ZNF93: variants seen among roughly 807,000 people sequenced by gnomAD.
ZNF93 encodes the protein zinc finger protein 505.
Under a neutral mutation model 45.0 loss-of-function variants are expected in ZNF93, and 29 were observed. That is an observed-to-expected ratio of 0.64 (90% confidence interval 0.48 to 0.88). ZNF93 has a LOEUF of 0.88. Among genes scored for constraint, ZNF93 ranks in the 40% least tolerant of loss-of-function variants. ZNF93 has a pLI of 0.00. For synonymous variants in ZNF93, 223 were observed against 244.6 expected (o/e 0.91, Z 0.82); for missense variants, 578 against 724.0 (o/e 0.80, Z 2.31).
In ZNF93 at chr19:19,934,604, C is replaced by G; in HGVS notation, c.1649C>G (p.Thr550Arg). The G allele has an allele frequency of 6.2e-7, 1 of 1,613,908 alleles. No homozygotes were observed. The highest frequency in any genetic ancestry group is 1.1e-5 in the South Asian group (1 of 91,064). The change falls in exon 4 of 4, where the codon ACA (threonine) becomes AGA (arginine). Residue 550 changes from threonine (T) to arginine (R), a missense_variant. This residue lies in a region of ZNF93 where 119 missense variants were observed against 123.1 expected (regional missense o/e 0.97). Coordinates refer to ENST00000343769, the MANE Select transcript of ZNF93 (RefSeq NM_031218.4). ...TGTGGCAAAGCTTTTCACCTATCCA[C>G]ACACCTTACTACACATAAGATACTT... is the stretch of plus-strand genomic sequence containing the variant. ...EECGKAFHLS[T>R]HLTTHKILHT... is the part of the protein sequence containing the mutation.
At chr19:19,901,124 G>A (rs1037262939) in intron 1 of ZNF93, 33 bp downstream of exon 1, 1 of 1,613,146 alleles carries the variant, frequency 6.2e-7, no homozygotes, top group African/African-American at 1.3e-5. Flanking sequence ...CCAAGCGACG[G>A]GGAGGGGCTG....
At chr19:19,917,295 TA>T (rs2063327128) in intron 3 of ZNF93, among the ~76,000 whole-genome samples, 1 of 152,038 alleles carries the variant, frequency 6.6e-6, no homozygotes, top group African/African-American at 2.4e-5. Flanking sequence ...ATTGAATCTG[TA>T]GATTACTTTG....
Position 19,916,636 on chromosome 19 carries a change from G to A in ZNF93, c.207G>A (p.Glu69=), listed in dbSNP as rs543637518. 8.1e-6 allele frequency: 13 copies of A among 1,611,308 alleles called. No homozygotes were observed. In the African/African-American group the frequency reaches 1.3e-4, roughly 17 times the overall value. ...GKKPLTMKRH[E]MVANPSVICS... ...AACCTTTGACTATGAAGAGACATGAGATGGTAGCCAACCCCTCAGGTAGGT... is the reference window on the plus strand; with the variant it reads ...AACCTTTGACTATGAAGAGACATGAAATGGTAGCCAACCCCTCAGGTAGGT... Residue 69 remains glutamate (E), a synonymous_variant, in exon 3 of 4, where the codon GAG becomes GAA. Transcript: ENST00000343769.
intron 3 of ZNF93, among the ~76,000 whole-genome samples, chr19:19,930,704 T>C (rs890456031): frequency 6.6e-6 from 1 of 152,190 alleles, no homozygotes; most frequent in Non-Finnish European, 1.5e-5. Flanking sequence ...GGCCTGGCTT[T>C]TCCTAGGTTG....
intron 1 of ZNF93, chr19:19,908,628 A>AG (rs2063299178): frequency 6.6e-6 from 1 of 152,066 alleles, no homozygotes; most frequent in Non-Finnish European, 1.5e-5. Context: ...AGATCACCTG[A>AG]GGTCAGGAGT....
At chr19:19,914,681 T>A (rs1346160971) in intron 1 of ZNF93, 4 of 239,570 alleles carry the variant, frequency 1.7e-5, no homozygotes, top group Middle Eastern at 1.6e-3. Flanking sequence ...TTTTTTCTTT[T>A]TTTTTCTATA....
At chr19:19,912,038 C>T (rs755389798) in intron 1 of ZNF93, among the ~76,000 whole-genome samples, 8 of 152,078 alleles carry the variant, frequency 5.3e-5, no homozygotes, top group East Asian at 1.9e-4. Flanking sequence ...CATGACCCAC[C>T]GCGCTTGGCC....
At position 19,905,203 on chromosome 19, in the gene ZNF93, A is replaced by AT. The variant is rs369798195; in HGVS notation, c.3+4123dup. Among the ~76,000 whole-genome samples, 121 of 147,450 alleles carry AT rather than the reference A, an allele frequency of 8.2e-4. 2 individuals are homozygous for AT. The South Asian group carries it at 0.011, about 14-fold the overall frequency. ...ACATTGTGCTCTCTCTCACTCAGGGATTTTTTTTTTTCTTTTAGCTTTTAT... is the reference window on the plus strand; with the variant it reads ...ACATTGTGCTCTCTCTCACTCAGGGATTTTTTTTTTTTCTTTTAGCTTTTAT... On this transcript the variant is annotated intron_variant, in intron 1 of 3. Coordinates refer to ENST00000343769, the MANE Select transcript of ZNF93 (RefSeq NM_031218.4).
At chr19:19,926,426 A>G (rs985317590) in intron 3 of ZNF93, among the ~76,000 whole-genome samples, 4 of 138,406 alleles carry the variant, frequency 2.9e-5, no homozygotes, top group African/African-American at 1.1e-4. Flanking sequence ...ACTAGATTTT[A>G]TGAGGAAACA....
rs10401345 is a variant in ZNF93 at position 19,934,077 on chromosome 19, T to C, written c.1122T>C (p.Cys374=). Reference sequence around the variant, plus strand: ...AGAAACATTACAAATGTGAAGAATGTGGCAAAGCCTTCATTTGGTCCTCAG... The same window carrying C: ...AGAAACATTACAAATGTGAAGAATGCGGCAAAGCCTTCATTTGGTCCTCAG... ...MGKKHYKCEE[C]GKAFIWSSVL... Residue 374 remains cysteine, a synonymous_variant, in exon 4 of 4, where the codon TGT becomes TGC. Transcript: ENST00000343769. The C allele has an allele frequency of 0.052, 83,439 of 1,612,710 alleles. 4,347 individuals carry two copies. The highest frequency in any genetic ancestry group is 0.23 in the African/African-American group (17,167 of 74,846).
rs1197948778 is a variant in ZNF93, at chr19:19,923,527, G to GAGGC, written c.226+6881_226+6884dup. On this transcript the variant is annotated intron_variant, in intron 3 of 3. Coordinates refer to ENST00000343769, the MANE Select transcript of ZNF93 (RefSeq NM_031218.4). The stretch of plus-strand genomic sequence containing the variant: ...CCTGCCCCCAGAGGTGGAGTCTACA[G>GAGGC]AGGCAGGCAGGCCTCCTTGAGCTGT... Among the ~76,000 whole-genome samples, 4 of 152,346 alleles carry GAGGC rather than the reference G, an allele frequency of 2.6e-5. No individual in the cohort carries two copies. In the South Asian group the frequency reaches 8.3e-4, roughly 32 times the overall value.
chr19:19,929,375 GT>G (rs1248202398), intron 3 of ZNF93, among the ~76,000 whole-genome samples: 2 of 152,064 alleles, frequency 1.3e-5, no homozygotes, highest in Non-Finnish European at 2.9e-5. Context: ...TGTTGTCTAA[GT>G]TTTTTGGTTG....
intron 3 of ZNF93, chr19:19,932,141 C>G (rs1056582411): frequency 2.4e-5 from 5 of 211,132 alleles, no homozygotes; most frequent in African/African-American, 9.5e-5. Flanking sequence ...GGCATGGTGG[C>G]CCATGCCTGT....
chr19:19,907,968 CTACA>C (rs2063297581), intron 1 of ZNF93, among the ~76,000 whole-genome samples: 1 of 151,974 alleles, frequency 6.6e-6, no homozygotes, highest in African/African-American at 2.4e-5. Context: ...TTTTTAAATG[CTACA>C]TACATTACTA....
intron 1 of ZNF93, among the ~76,000 whole-genome samples, chr19:19,912,556 G>C (rs952016345): frequency 5.3e-5 from 8 of 152,104 alleles, no homozygotes; most frequent in Non-Finnish European, 8.8e-5. Context: ...ATTGTATTTA[G>C]CAACTTGTTT....
chr19:19,928,503 G>C (rs2063362745), intron 3 of ZNF93, among the ~76,000 whole-genome samples: 1 of 150,936 alleles, frequency 6.6e-6, no homozygotes, highest in African/African-American at 2.5e-5. Flanking sequence ...AAACAACCCA[G>C]TGCATAATTT....
intron 3 of ZNF93, among the ~76,000 whole-genome samples, chr19:19,928,843 T>C (rs1358302433): frequency 1.3e-5 from 2 of 152,238 alleles, no homozygotes; most frequent in Non-Finnish European, 2.9e-5. Context: ...AAACTTGTTA[T>C]GTGTCCTAAC....
chr19:19,934,994 C>A lies in ZNF93; in HGVS notation c.*176C>A. 1 of 663,910 alleles carries A rather than the reference C, an allele frequency of 1.5e-6. No homozygotes were observed. Among genetic ancestry groups the A allele is most frequent in the Non-Finnish European group, 2.5e-6 (1 of 407,730 alleles). 41.1% of individuals were successfully genotyped at this position (663,910 alleles called of 1,614,324 possible). A position where few individuals can be genotyped will look rare whatever the true frequency, so the allele number is the denominator to read the frequency against. The stretch of plus-strand genomic sequence containing the variant: ...ATTTACAGCCATGTAGGCAGGCCTG[C>A]AGACCTTGGCCTTTACTACGGTACC... On this transcript the variant is annotated 3_prime_UTR_variant, in exon 4 of 4. Transcript: ENST00000343769.
At chr19:19,932,526 C>T (rs2063377992) in intron 3 of ZNF93, 1 of 152,062 alleles carries the variant, frequency 6.6e-6, no homozygotes, top group Non-Finnish European at 1.5e-5. Context: ...ACAGTATTTT[C>T]TGCTTTTTGA....
Sources: gnomAD v4.1 joint callset for allele counts (sites outside exome capture counted in the v4.1 genomes callset) on GRCh38, gnomAD v4.1.1 for gene constraint, gnomAD v4.1.1 regional missense constraint, MANE v1.5 for transcripts, NCBI Gene and HGNC (gene_info 2026-07-23, HGNC 2026-07-21) for gene names.